The following RECQL variants were observed in gnomAD, a reference collection of about 807,000 sequenced individuals.
RECQL encodes the protein ATP-dependent DNA helicase Q1.
A neutral mutation model predicts 75.8 loss-of-function variants in RECQL; 73 were observed. The observed-to-expected ratio is 0.96, with a 90% CI of 0.80 to 1.17. RECQL has a LOEUF of 1.17. Among genes scored for constraint, RECQL ranks in the 50% most tolerant of loss-of-function variants. RECQL has a pLI of 0.00. For synonymous variants in RECQL, 248 were observed against 254.4 expected, an observed-to-expected ratio of 0.97 and a Z score of 0.24; for missense variants, 699 against 772.1, an observed-to-expected ratio of 0.91 and a Z score of 1.12.
chr12:21,494,773 G>A (rs1316483029), intron 2 of RECQL, among the ~76,000 whole-genome samples: 2 of 152,206 alleles, frequency 1.3e-5, no homozygotes, highest in Non-Finnish European at 2.9e-5. Flanking sequence ...CAGAGCGCCA[G>A]CATCAGCGGA....
Position 21,475,836 on chromosome 12 carries a change from T to C in RECQL, c.950-12A>G, listed in dbSNP as rs1211265454. ...ACAATATATGATTCCTGCAGTAAAA[T>C]ATGTGCATTTGTTAGATAGATATGG... On this transcript the variant is annotated splice_polypyrimidine_tract_variant and intron_variant, in intron 8 of 14. Coordinates refer to ENST00000444129, the MANE Select transcript of RECQL (RefSeq NM_002907.4). 1 of 1,604,070 alleles carries C rather than the reference T, an allele frequency of 6.2e-7. No individual in the cohort carries two copies. The highest frequency in any genetic ancestry group is 8.5e-7 in the Non-Finnish European group (1 of 1,172,702).
chr12:21,476,842 A>C, intron 8 of RECQL, 69 bp downstream of exon 8: 1 of 952,878 alleles, frequency 1.0e-6, no homozygotes, highest in Middle Eastern at 2.3e-4. Context: ...CAGTATAATT[A>C]TCAATATGAT....
chr12:21,488,619 T>C (rs182560960), intron 4 of RECQL, among the ~76,000 whole-genome samples: 2 of 152,190 alleles, frequency 1.3e-5, no homozygotes, highest in Non-Finnish European at 2.9e-5. Context: ...CTTTCGCCAA[T>C]GTACCCCATT....
At chr12:21,486,609 C>T (rs879073748) in intron 4 of RECQL, 24 bp from the exon 5 acceptor site, 1 of 1,330,686 alleles carries the variant, frequency 7.5e-7, no homozygotes, top group Middle Eastern at 2.3e-4. Context: ...AAAAAAAAAT[C>T]TACCTTAAAC....
chr12:21,491,273 T>C (rs1351555431), intron 3 of RECQL, among the ~76,000 whole-genome samples: 2 of 152,178 alleles, frequency 1.3e-5, no homozygotes, highest in African/African-American at 4.8e-5. Context: ...GTATCTCATT[T>C]TCTAAACATG....
chr12:21,471,262 CT>C (rs959464763), intron 13 of RECQL, 164 bp from the exon 14 acceptor site: 101 of 989,140 alleles, frequency 1.0e-4, no homozygotes, highest in South Asian at 1.6e-4. Context: ...ATTTTCGTTA[CT>C]TTTTTTTATT....
intron 6 of RECQL, 138 bp downstream of exon 6, chr12:21,483,238 C>T (rs903137256): frequency 2.5e-5 from 17 of 693,056 alleles, no homozygotes; most frequent in Middle Eastern, 2.4e-4. Context: ...CTTTTGGTTC[C>T]GAACATTCTG....
intron 2 of RECQL, among the ~76,000 whole-genome samples, chr12:21,498,166 T>C (rs1379434814): frequency 6.6e-6 from 1 of 152,202 alleles, no homozygotes; most frequent in African/African-American, 2.4e-5. Flanking sequence ...GGTCTAACTA[T>C]GTTCACCAAC....
chr12:21,489,214 T>C (rs1278770209), intron 4 of RECQL, among the ~76,000 whole-genome samples: 1 of 152,242 alleles, frequency 6.6e-6, no homozygotes, highest in East Asian at 1.9e-4. Context: ...TTTTTGTAAG[T>C]TATTTTAATG....
Position 21,490,314 on chromosome 12 carries a change from T to C in RECQL, c.279A>G (p.Arg93=). The part of the protein sequence containing the change: ...LQNVFKLEKF[R]PLQLETINVT... The stretch of plus-strand genomic sequence containing the variant: ...CGTTAATAGTTTCAAGCTGAAGTGG[T>C]CTGAACTTTTCCAGTTTAAAGACAT... Residue 93 remains arginine (R), a synonymous_variant, in exon 4 of 15, where the codon AGA becomes AGG. Coordinates refer to ENST00000444129, the MANE Select transcript of RECQL (RefSeq NM_002907.4). 1.2e-6 allele frequency: 2 copies of C among 1,612,948 alleles called. No individual in the cohort carries two copies. Among genetic ancestry groups the C allele is most frequent in the Non-Finnish European group, 1.7e-6 (2 of 1,179,154 alleles).
intron 3 of RECQL, 25 bp downstream of exon 3, chr12:21,491,494 C>CAAAA (rs140439673): frequency 2.0e-4 from 267 of 1,323,352 alleles, no homozygotes; most frequent in Non-Finnish European, 2.5e-4. Flanking sequence ...ATAAAACTAG[C>CAAAA]AAAAAAAAAA....
intron 3 of RECQL, among the ~76,000 whole-genome samples, chr12:21,491,296 G>A (rs909032645): frequency 6.6e-6 from 1 of 152,026 alleles, no homozygotes; most frequent in Non-Finnish European, 1.5e-5. Flanking sequence ...CAATGTTGCT[G>A]TAACAATAAC....
intron 6 of RECQL, among the ~76,000 whole-genome samples, chr12:21,480,128 G>A (rs1292337000): frequency 1.3e-5 from 2 of 152,170 alleles, no homozygotes; most frequent in Admixed American, 6.5e-5. Flanking sequence ...GTATGCTGGG[G>A]CTTAAGAAGA....
At chr12:21,483,039 T>C (rs78832244) in intron 6 of RECQL, among the ~76,000 whole-genome samples, 2 of 152,148 alleles carry the variant, frequency 1.3e-5, no homozygotes, top group African/African-American at 4.8e-5. Flanking sequence ...GCCACAAAGA[T>C]GTCCACTATT....
intron 13 of RECQL, 157 bp downstream of exon 13, chr12:21,471,271 A>G (rs1032079298): frequency 1.0e-6 from 1 of 958,062 alleles, no homozygotes; most frequent in Non-Finnish European, 1.5e-6. Context: ...ACTTTTTTTT[A>G]TTTATAGTGA....
intron 6 of RECQL, among the ~76,000 whole-genome samples, chr12:21,481,787 G>A (rs751778337): frequency 2.9e-4 from 44 of 152,204 alleles, no homozygotes; most frequent in Non-Finnish European, 5.1e-4. Context: ...CAGGAAGAGC[G>A]AAGGAGGTGA....
intron 4 of RECQL, among the ~76,000 whole-genome samples, chr12:21,487,219 G>C (rs1943322333): frequency 6.6e-6 from 1 of 152,004 alleles, no homozygotes; most frequent in Non-Finnish European, 1.5e-5. Context: ...ATTTCAGTAA[G>C]ACAACATATA....
In RECQL at chr12:21,470,984, C is replaced by T. The variant is rs2417988; in HGVS notation, c.1782G>A (p.Thr594=). 32 of 1,553,010 alleles carry T rather than the reference C, an allele frequency of 2.1e-5. No individual in the cohort carries two copies. In the African/African-American group the frequency reaches 3.7e-4, roughly 18 times the overall value. ...HAITMQVTKS[T]QNSFRAESSQ... is the part of the protein sequence containing the mutation. ...AGCCATTTACCCTGAAAGAGTTCTGCGTGGACTTTGTCACTTGCATAGTAA... is the reference window on the plus strand; with the variant it reads ...AGCCATTTACCCTGAAAGAGTTCTGTGTGGACTTTGTCACTTGCATAGTAA... The change falls in exon 14 of 15, where the codon ACG becomes ACA. Residue 594 remains threonine (T), a synonymous_variant. Coordinates refer to ENST00000444129, the MANE Select transcript of RECQL (RefSeq NM_002907.4).
rs553875927 is a variant in RECQL, at chr12:21,469,096, A to C, written c.*1098T>G. The C allele has an allele frequency of 4.6e-4, 83 of 179,854 alleles. No individual in the cohort carries two copies. Among genetic ancestry groups the C allele is most frequent in the African/African-American group, 2.0e-3 (82 of 41,886 alleles). 11.1% of individuals were successfully genotyped at this position (179,854 alleles called of 1,614,324 possible). ...GCCAAATGTACTCTAGTAGACTAGA[A>C]CCATTCTTTGTGAAATGTCAAAATA... On this transcript the variant is annotated 3_prime_UTR_variant, in exon 15 of 15. Transcript: ENST00000444129.
Sources: gnomAD v4.1 joint callset for allele counts (sites outside exome capture counted in the v4.1 genomes callset) on GRCh38, gnomAD v4.1.1 for gene constraint, MANE v1.5 for transcripts, NCBI Gene and HGNC (gene_info 2026-07-23, HGNC 2026-07-21) for gene names.